PTPRN2: variants seen among roughly 807,000 people sequenced by gnomAD.
PTPRN2 encodes the protein receptor-type tyrosine-protein phosphatase N2.
PTPRN2 carries 74 observed loss-of-function variants against 118.8 expected under a neutral mutation model. That is an observed-to-expected ratio of 0.62 (90% CI 0.52 to 0.76). PTPRN2 has a LOEUF of 0.76. Among genes scored for constraint, PTPRN2 ranks in the 30% least tolerant of loss-of-function variants. PTPRN2 has a pLI of 0.00. For missense variants in PTPRN2, 1,481 were observed against 1,394.4 expected (o/e 1.06, Z -0.99); for synonymous variants, 641 against 608.0 (o/e 1.05, Z -0.80).
At chr7:157,851,340 G>T (rs1367248613) in intron 12 of PTPRN2, among the ~76,000 whole-genome samples, 1 of 152,182 alleles carries the variant, frequency 6.6e-6, no homozygotes, top group Non-Finnish European at 1.5e-5. Context: ...ACAGGCATTT[G>T]AACATTCATA....
intron 2 of PTPRN2, among the ~76,000 whole-genome samples, chr7:158,402,691 G>A (rs1813042634): frequency 6.6e-6 from 1 of 152,204 alleles, no homozygotes; most frequent in African/African-American, 2.4e-5. Context: ...GAAGGTCTGG[G>A]TGTCTGCAGC....
intron 11 of PTPRN2, among the ~76,000 whole-genome samples, chr7:158,036,273 GA>G (rs1383670179): frequency 6.6e-6 from 1 of 152,136 alleles, no homozygotes; most frequent in Non-Finnish European, 1.5e-5. Flanking sequence ...CAAAATGCCA[GA>G]ATTGAATTGA....
At position 158,051,906 on chromosome 7, in the gene PTPRN2, G is replaced by A. The variant is rs140160594; in HGVS notation, c.1723+29392C>T. Among the ~76,000 whole-genome samples, 424 of 152,272 alleles carry A rather than the reference G, an allele frequency of 2.8e-3. 1 individual carries two copies. Among genetic ancestry groups the A allele is most frequent in the African/African-American group, 9.6e-3 (399 of 41,550 alleles). ...CACAAAAGCTAAGATTTAAATGTGC[G>A]GTGACTACCTGGTAGAGAGCGAGGA... On this transcript the variant is annotated intron_variant, in intron 11 of 22. Transcript: ENST00000389418.
intron 22 of PTPRN2, 115 bp downstream of exon 22, chr7:157,548,831 A>G (rs923980882): frequency 1.1e-5 from 12 of 1,082,050 alleles, no homozygotes; most frequent in Admixed American, 9.1e-5. Context: ...GTCAGAGCAG[A>G]GCAATCGGTG....
chr7:157,640,862 A>G (rs1417595322), intron 14 of PTPRN2, among the ~76,000 whole-genome samples: 1 of 152,244 alleles, frequency 6.6e-6, no homozygotes, highest in Non-Finnish European at 1.5e-5. Context: ...TCAGACAAAG[A>G]GAAGGAAACT....
At chr7:158,395,321 A>C (rs1262086902) in intron 2 of PTPRN2, among the ~76,000 whole-genome samples, 39 of 69,958 alleles carry the variant, frequency 5.6e-4, no homozygotes, top group Middle Eastern at 0.011. Context: ...GTGAGGGGCG[A>C]GGGGCGAGGG....
intron 2 of PTPRN2, among the ~76,000 whole-genome samples, chr7:158,387,575 T>TAAAGCACTCTCTGGGTCCTGGGGGGA (rs61116708): frequency 2.0e-5 from 3 of 150,830 alleles, no homozygotes; most frequent in South Asian, 2.1e-4. Flanking sequence ...CCCTGTCAGC[T>TAAAGCACTCTCTGGGTCCTGGGGGGA]CAGCTTGGCC....
chr7:158,201,333 A>G (rs571689546), intron 4 of PTPRN2, among the ~76,000 whole-genome samples: 1 of 152,232 alleles, frequency 6.6e-6, no homozygotes, highest in Non-Finnish European at 1.5e-5. Context: ...AGGTCTGGGA[A>G]GTCATACCCC....
chr7:157,907,262 C>T (rs1410467437), intron 11 of PTPRN2, among the ~76,000 whole-genome samples: 1 of 152,194 alleles, frequency 6.6e-6, no homozygotes, highest in Non-Finnish European at 1.5e-5. Context: ...CAGCTGGGCA[C>T]CACGGGAACA....
intron 9 of PTPRN2, among the ~76,000 whole-genome samples, chr7:158,125,855 A>C (rs1261022544): frequency 6.6e-6 from 1 of 152,150 alleles, no homozygotes; most frequent in African/African-American, 2.4e-5. Flanking sequence ...AGGAAGGACG[A>C]GCAGGAAGCA....
intron 3 of PTPRN2, among the ~76,000 whole-genome samples, chr7:158,216,522 A>G (rs1368508863): frequency 6.6e-6 from 1 of 152,178 alleles, no homozygotes; most frequent in African/African-American, 2.4e-5. Context: ...ATTTTTAAAA[A>G]TATATCATGT....
chr7:158,283,860 C>G (rs1207635232), intron 3 of PTPRN2, among the ~76,000 whole-genome samples: 1 of 152,136 alleles, frequency 6.6e-6, no homozygotes. Context: ...GAGCACAGAC[C>G]TAGAATCACC....
At chr7:157,655,215 T>C (rs1204470886) in intron 14 of PTPRN2, among the ~76,000 whole-genome samples, 1 of 152,170 alleles carries the variant, frequency 6.6e-6, no homozygotes, top group African/African-American at 2.4e-5. Flanking sequence ...TTCTTGACTG[T>C]TGCTTCTCCT....
At position 157,878,879 on chromosome 7, in the gene PTPRN2, A is replaced by G. The variant is rs188597253; in HGVS notation, c.1788+19794T>C. ...AGCTCTCGGATTCCGTGGGGCTGGA[A>G]GGGTCAGTGTGATACCATGCACCCA... On this transcript the variant is annotated intron_variant, in intron 12 of 22. Coordinates refer to ENST00000389418, the MANE Select transcript of PTPRN2 (RefSeq NM_002847.5). Among the ~76,000 whole-genome samples the G allele has an allele frequency of 2.0e-5, 2 of 100,114 alleles. 1 individual carries two copies. Among genetic ancestry groups the G allele is most frequent in the African/African-American group, 9.1e-5 (2 of 21,908 alleles). The allele number at this position is 100,114 out of a possible 152,430, so 65.7% of individuals were successfully genotyped here.
chr7:157,947,369 A>T (rs1010712703), intron 11 of PTPRN2, among the ~76,000 whole-genome samples: 2 of 152,196 alleles, frequency 1.3e-5, no homozygotes, highest in African/African-American at 4.8e-5. Flanking sequence ...TGAGAAAGAG[A>T]ATGCTAAATT....
intron 3 of PTPRN2, among the ~76,000 whole-genome samples, chr7:158,315,696 G>A (rs1400508450): frequency 6.6e-6 from 1 of 152,258 alleles, no homozygotes; most frequent in Non-Finnish European, 1.5e-5. Context: ...GGTTTGGCTG[G>A]AGGGCCAGGG....
chr7:157,948,514 A>G lies in PTPRN2; in HGVS notation c.1724-49777T>C, dbSNP rs141969436. On this transcript the variant is annotated intron_variant, in intron 11 of 22. Coordinates refer to ENST00000389418, the MANE Select transcript of PTPRN2 (RefSeq NM_002847.5). ...CTAAAAATTAAATCAAAGAAACAAA[A>G]AAAGGCAATATTTGAGGAACTGAGG... Among the ~76,000 whole-genome samples, 122 of 152,346 alleles carry G rather than the reference A, an allele frequency of 8.0e-4. No homozygotes were observed. The Middle Eastern group carries it at 0.014, about 17-fold the overall frequency.
intron 3 of PTPRN2, among the ~76,000 whole-genome samples, chr7:158,273,458 A>ACGCAGGGGGAGCCGCAGG: frequency 1.5e-5 from 1 of 68,830 alleles, no homozygotes; most frequent in East Asian, 4.2e-4. Flanking sequence ...GGAGCCGCAG[A>ACGCAGGGGGAGCCGCAGG]CGCAGGGGGA....
rs1563329734 is a variant in PTPRN2 at position 158,015,464 on chromosome 7, A to AGAGAGAGGAAGAGAGG, written c.1723+65818_1723+65833dup. 6.7e-6 allele frequency among the ~76,000 whole-genome samples: 1 copy of AGAGAGAGGAAGAGAGG among 149,514 alleles called. No homozygotes were observed. The highest frequency in any genetic ancestry group is 6.7e-5 in the Admixed American group (1 of 14,942). On this transcript the variant is annotated intron_variant, in intron 11 of 22. Transcript: ENST00000389418. The surrounding 1 kb of genome is among the most constrained non-coding windows in gnomAD (Gnocchi z 4.2). ...TGAGAGGAGGGGTGGTGAGAGAGAG[A>AGAGAGAGGAAGAGAGG]GAGAGAGGAAGAGAGGGAGAGAGGG...
Sources: gnomAD v4.1 joint callset for allele counts (sites outside exome capture counted in the v4.1 genomes callset) on GRCh38, gnomAD v4.1.1 for gene constraint, Gnocchi (gnomAD v3.1) non-coding constraint, MANE v1.5 for transcripts, NCBI Gene and HGNC (gene_info 2026-07-23, HGNC 2026-07-21) for gene names.